Variants in PHF21B observed in about 807,000 individuals in gnomAD.
PHF21B encodes the protein PHD finger protein 4.
In PHF21B, 22 loss-of-function variants were observed where a neutral mutation model predicts 62.2. The ratio of observed to expected loss-of-function variants is 0.35; its 90% confidence interval spans 0.25 to 0.51. The LOEUF (loss-of-function observed/expected upper bound fraction) is 0.51. PHF21B is among the 20% of genes least tolerant of loss of function. The pLI is 0.97. For missense variants in PHF21B, 701 were observed against 707.9 expected (o/e 0.99, Z 0.11); for synonymous variants, 341 against 314.7 (o/e 1.08, Z -0.88).
chr22:44,936,922 G>C (rs2071861996), intron 2 of PHF21B, among the ~76,000 whole-genome samples: 1 of 149,518 alleles, frequency 6.7e-6, no homozygotes, highest in African/African-American at 2.5e-5. Flanking sequence ...GCCCAGGCTG[G>C]AGTGCAATGG....
At chr22:44,990,517 G>A (rs976341181) in intron 2 of PHF21B, among the ~76,000 whole-genome samples, 3 of 152,210 alleles carry the variant, frequency 2.0e-5, no homozygotes, top group Non-Finnish European at 1.5e-5. Flanking sequence ...GCTACAACAT[G>A]CGTGAATTAC....
chr22:44,946,421 G>A (rs1019563301), intron 2 of PHF21B, among the ~76,000 whole-genome samples: 5 of 152,094 alleles, frequency 3.3e-5, no homozygotes, highest in African/African-American at 9.7e-5. Context: ...GTCATGTCTC[G>A]AAGAGTGCTG....
At chr22:44,887,174 A>C (rs2070874963) in intron 10 of PHF21B, among the ~76,000 whole-genome samples, 1 of 150,352 alleles carries the variant, frequency 6.7e-6, no homozygotes, top group Non-Finnish European at 1.5e-5. Flanking sequence ...AAAAAAAAAA[A>C]AGAAAGAAAG....
intron 5 of PHF21B, among the ~76,000 whole-genome samples, chr22:44,905,618 CT>C (rs959907915): frequency 6.6e-6 from 1 of 152,074 alleles, no homozygotes; most frequent in Non-Finnish European, 1.5e-5. Context: ...GGCACAATTT[CT>C]TTTTGTTTTT....
At position 44,953,528 on chromosome 22, in the gene PHF21B, C is replaced by G. The variant is rs76863595; in HGVS notation, c.121-33038G>C. Among the ~76,000 whole-genome samples the G allele has an allele frequency of 3.3e-3, 501 of 152,144 alleles. 5 individuals are homozygous for G. Among genetic ancestry groups the G allele is most frequent in the African/African-American group, 0.011 (474 of 41,498 alleles). ...TGCAACACCATCTCTGCTTGCAGCC[C>G]CAGAGTGGATCTTTCAACGCTGTGA... is the stretch of plus-strand genomic sequence containing the variant. On this transcript the variant is annotated intron_variant, in intron 2 of 12. Transcript: ENST00000313237.
chr22:44,961,507 G>A (rs969127043), intron 2 of PHF21B, among the ~76,000 whole-genome samples: 1 of 152,064 alleles, frequency 6.6e-6, no homozygotes, highest in Non-Finnish European at 1.5e-5. Context: ...AAGTGAAAAC[G>A]TGGTAATTGG....
rs1000959405 is a variant in PHF21B, at chr22:44,925,949, A to T, written c.121-5459T>A. Among the ~76,000 whole-genome samples, 140 of 152,222 alleles carry T rather than the reference A, an allele frequency of 9.2e-4. 2 individuals are homozygous for T. The highest frequency in any genetic ancestry group is 9.1e-3 in the Admixed American group (139 of 15,284). On this transcript the variant is annotated intron_variant, in intron 2 of 12. Transcript: ENST00000313237. ...GCCCAGACTGTGGGGGCGGGAGGCA[A>T]GCAGGAGCAGCCATTTGATGAGCCA...
chr22:44,949,345 A>G (rs2147386044), intron 2 of PHF21B, among the ~76,000 whole-genome samples: 1 of 151,584 alleles, frequency 6.6e-6, no homozygotes, highest in South Asian at 2.1e-4. Context: ...GAGCTGAGGT[A>G]GGTGATCATG....
At chr22:44,998,650 A>C (rs779769416) in intron 2 of PHF21B, among the ~76,000 whole-genome samples, 1 of 152,158 alleles carries the variant, frequency 6.6e-6, no homozygotes, top group African/African-American at 2.4e-5. Context: ...CTCTGGGTAC[A>C]CCCGTCCAGA....
chr22:44,916,251 CT>C, intron 4 of PHF21B, 28 bp downstream of exon 4: 1 of 1,597,756 alleles, frequency 6.3e-7, no homozygotes. Context: ...GCCGCACACC[CT>C]TTCCGGAGCC....
intron 5 of PHF21B, among the ~76,000 whole-genome samples, chr22:44,911,897 C>T (rs912039039): frequency 6.6e-6 from 1 of 152,194 alleles, no homozygotes; most frequent in Non-Finnish European, 1.5e-5. Context: ...ACACTCAACA[C>T]CAGCCGGTGA....
chr22:44,944,286 C>T (rs1269141557), intron 2 of PHF21B, among the ~76,000 whole-genome samples: 2 of 152,214 alleles, frequency 1.3e-5, no homozygotes, highest in African/African-American at 4.8e-5. Context: ...AAATAAGGTT[C>T]CTTTCCACGT....
intron 5 of PHF21B, among the ~76,000 whole-genome samples, chr22:44,909,979 G>A (rs1057034299): frequency 1.3e-5 from 2 of 152,208 alleles, no homozygotes; most frequent in African/African-American, 4.8e-5. Context: ...CTTTACCCAT[G>A]GAAGTGAGTT....
At chr22:44,924,455 G>A (rs1389149134) in intron 2 of PHF21B, among the ~76,000 whole-genome samples, 1 of 152,204 alleles carries the variant, frequency 6.6e-6, no homozygotes, top group Non-Finnish European at 1.5e-5. Context: ...CCCTCAATGT[G>A]ATGGTATTTG....
At chr22:44,945,752 T>C (rs1399436923) in intron 2 of PHF21B, among the ~76,000 whole-genome samples, 1 of 151,464 alleles carries the variant, frequency 6.6e-6, no homozygotes, top group African/African-American at 2.4e-5. Context: ...CTGCTTACCT[T>C]GACCTTGGCA....
At chr22:44,959,343 T>C (rs966307724) in intron 2 of PHF21B, among the ~76,000 whole-genome samples, 1 of 152,236 alleles carries the variant, frequency 6.6e-6, no homozygotes, top group Non-Finnish European at 1.5e-5. Flanking sequence ...ACGGGACTTA[T>C]CACATTTCTG....
chr22:44,999,401 A>G (rs761672), intron 2 of PHF21B, among the ~76,000 whole-genome samples: 123,220 of 151,948 alleles, frequency 0.81, 50,835 homozygotes, highest in South Asian at 0.95. Context: ...ACTCCTCTCC[A>G]CAACCCCGCA....
chr22:44,896,190 C>G (rs2071054782), intron 5 of PHF21B, 107 bp from the exon 6 acceptor site: 1 of 1,256,972 alleles, frequency 8.0e-7, no homozygotes, highest in Non-Finnish European at 1.2e-6. Flanking sequence ...TCATGGGTGC[C>G]CTAACCACAG....
chr22:44,955,302 G>C (rs1321578108), intron 2 of PHF21B, among the ~76,000 whole-genome samples: 1 of 152,206 alleles, frequency 6.6e-6, no homozygotes, highest in African/African-American at 2.4e-5. Context: ...CCTCATCTGG[G>C]TAAACACCAC....
Sources: allele counts gnomAD v4.1 joint callset (sites outside exome capture counted in the v4.1 genomes callset), GRCh38; gene constraint gnomAD v4.1.1; transcripts MANE v1.5; gene names NCBI Gene and HGNC (gene_info 2026-07-23, HGNC 2026-07-21).